Variants in GDF6 observed in about 807,000 individuals in gnomAD.
The protein encoded by GDF6 is growth differentiation factor 6.
Under a neutral mutation model 32.4 loss-of-function variants are expected in GDF6, and 3 were observed. The observed-to-expected ratio is 0.09, with a 90% CI of 0.04 to 0.24. GDF6 has a LOEUF of 0.24. GDF6 is among the 10% of genes least tolerant of loss of function. GDF6 has a pLI of 1.00. For missense variants in GDF6, 589 were observed against 637.9 expected, an observed-to-expected ratio of 0.92 and a Z score of 0.83; for synonymous variants, 296 against 295.3, an observed-to-expected ratio of 1.00 and a Z score of -0.03.
In GDF6 at chr8:96,145,573, A is replaced by G. The variant is rs1403888224; in HGVS notation, c.407-49T>C. 1 of 1,596,086 alleles carries G rather than the reference A, an allele frequency of 6.3e-7. No individual in the cohort carries two copies. Among genetic ancestry groups the G allele is most frequent in the Non-Finnish European group, 8.5e-7 (1 of 1,179,030 alleles). On this transcript the variant is annotated intron_variant, in intron 1 of 1. Transcript: ENST00000287020. The surrounding 1 kb of genome is among the most constrained non-coding windows in gnomAD (Gnocchi z 5.6). Reference sequence around the variant, plus strand: ...GTCAGTTTCACTTAAGGGGGAGATCAGCCCGGTGCTCTTCGGCCGCCCCGG... The same window carrying G: ...GTCAGTTTCACTTAAGGGGGAGATCGGCCCGGTGCTCTTCGGCCGCCCCGG...
intron 1 of GDF6, among the ~76,000 whole-genome samples, chr8:96,147,265 G>T (rs1812502610): frequency 6.6e-6 from 1 of 152,186 alleles, no homozygotes; most frequent in South Asian, 2.1e-4. Flanking sequence ...GGTTAGAGAG[G>T]TGAAAAGGGA....
chr8:96,155,131 C>A (rs2130227988), intron 1 of GDF6, among the ~76,000 whole-genome samples: 1 of 152,264 alleles, frequency 6.6e-6, no homozygotes, highest in East Asian at 1.9e-4. Context: ...GTTTTTAGAT[C>A]CCCTCCCCCA....
chr8:96,156,853 A>G (rs1812673778), intron 1 of GDF6, among the ~76,000 whole-genome samples: 2 of 152,248 alleles, frequency 1.3e-5, no homozygotes, highest in Middle Eastern at 3.4e-3. Flanking sequence ...AAATCTTTCC[A>G]TTTTTTGACT....
At position 96,145,329 on chromosome 8, in the gene GDF6, G is replaced by C. The variant is rs1030997543; in HGVS notation, c.602C>G (p.Thr201Ser). Residue 201 changes from threonine (T) to serine (S), a missense_variant, in exon 2 of 2, where the codon ACC becomes AGC. Thr to Ser is a moderately conservative substitution (Grantham distance 58, BLOSUM62 1). Coordinates refer to ENST00000287020, the MANE Select transcript of GDF6 (RefSeq NM_001001557.4). The surrounding 1 kb of genome is among the most constrained non-coding windows in gnomAD (Gnocchi z 5.6). ...CLSPLLLDAR[T>S]LDPQGAPPAG... The stretch of plus-strand genomic sequence containing the variant: ...CGGCGGCGCCCCCTGCGGGTCCAGG[G>C]TCCGCGCGTCCAGCAGTAGGGGCGA... 1 of 1,537,902 alleles carries C rather than the reference G, an allele frequency of 6.5e-7. No individual in the cohort carries two copies. Among genetic ancestry groups the C allele is most frequent in the Non-Finnish European group, 8.7e-7 (1 of 1,148,308 alleles).
chr8:96,144,244 T>TAGAGAC lies in GDF6; in HGVS notation c.*318_*319insGTCTCT. ...ATAAGGAAATCCAAAGCCACAGTAA[T>TAGAGAC]AGAGAGAGAGAGAGAGAGAGAGAGA... On this transcript the variant is annotated 3_prime_UTR_variant, in exon 2 of 2. Coordinates refer to ENST00000287020, the MANE Select transcript of GDF6 (RefSeq NM_001001557.4). This position sits in a 1 kb window ranked among gnomAD's most constrained non-coding sequence, Gnocchi z 5.1. The TAGAGAC allele has an allele frequency of 4.3e-6, 1 of 233,042 alleles. No individual in the cohort carries two copies. Among genetic ancestry groups the TAGAGAC allele is most frequent in the East Asian group, 1.2e-4 (1 of 8,120 alleles). 14.4% of individuals were successfully genotyped at this position (233,042 alleles called of 1,614,324 possible). A position where few individuals can be genotyped will look rare whatever the true frequency, so the allele number is the denominator to read the frequency against.
intron 1 of GDF6, among the ~76,000 whole-genome samples, chr8:96,155,680 T>C (rs1228642085): frequency 6.6e-6 from 1 of 152,236 alleles, no homozygotes; most frequent in African/African-American, 2.4e-5. Flanking sequence ...TGGAACCTTC[T>C]GCCCAGCTTC....
intron 1 of GDF6, among the ~76,000 whole-genome samples, chr8:96,150,674 C>G (rs1812553507): frequency 6.6e-6 from 1 of 152,212 alleles, no homozygotes; most frequent in Non-Finnish European, 1.5e-5. Flanking sequence ...GTGCCCTGAC[C>G]CCAGTCCTGC....
Position 96,144,358 on chromosome 8 carries a change from A to G in GDF6, c.*205T>C, listed in dbSNP as rs946850223. On this transcript the variant is annotated 3_prime_UTR_variant, in exon 2 of 2. Coordinates refer to ENST00000287020, the MANE Select transcript of GDF6 (RefSeq NM_001001557.4). This position sits in a 1 kb window ranked among gnomAD's most constrained non-coding sequence, Gnocchi z 5.1. ...GTGGCCAGGCAAGGTGTGAAAATCC[A>G]TATTTCCCTCTGGGCTGGCAGGTAG... 3.1e-5 allele frequency: 19 copies of G among 608,944 alleles called. No individual in the cohort carries two copies. The highest frequency in any genetic ancestry group is 9.3e-5 in the African/African-American group (5 of 53,754). The allele number at this position is 608,944 out of a possible 1,614,324, so 37.7% of individuals were successfully genotyped here.
Position 96,159,078 on chromosome 8 carries a change from C to G in GDF6, c.406+1209G>C, listed in dbSNP as rs990710014. On this transcript the variant is annotated intron_variant, in intron 1 of 1. Transcript: ENST00000287020. ...GCAGTGGCTGAAGCAGCTTCCGAAT[C>G]CCGAACCCCAGCGCTGCAAGGTTTC... 3.3e-5 allele frequency among the ~76,000 whole-genome samples: 5 copies of G among 152,300 alleles called. No individual in the cohort carries two copies. The East Asian group carries it at 9.7e-4, about 29-fold the overall frequency.
chr8:96,144,287 A>AGAGAGG lies in GDF6; in HGVS notation c.*275_*276insCCTCTC. The AGAGAGG allele has an allele frequency of 2.0e-6, 1 of 497,288 alleles. No homozygotes were observed. Among genetic ancestry groups the AGAGAGG allele is most frequent in the Non-Finnish European group, 3.6e-6 (1 of 275,758 alleles). 30.8% of individuals were successfully genotyped at this position (497,288 alleles called of 1,614,324 possible). On this transcript the variant is annotated 3_prime_UTR_variant, in exon 2 of 2. Transcript: ENST00000287020. This position sits in a 1 kb window ranked among gnomAD's most constrained non-coding sequence, Gnocchi z 5.1. ...GAGAGAGAGAGAGAGAGAGAGAGAG[A>AGAGAGG]GAGAAAACAGAACAAAAGAAATCCT... is the stretch of plus-strand genomic sequence containing the variant.
rs565004364 is a variant in GDF6 at position 96,145,046 on chromosome 8, C to T, written c.885G>A (p.Glu295=). 1.4e-5 allele frequency: 21 copies of T among 1,476,926 alleles called. No homozygotes were observed. The South Asian group carries it at 1.5e-4, about 10-fold the overall frequency. The allele number at this position is 1,476,926 out of a possible 1,614,324, so 91.5% of individuals were successfully genotyped here. The change falls in exon 2 of 2, where the codon GAG becomes GAA. Residue 295 remains glutamate (E), a synonymous_variant. Coordinates refer to ENST00000287020, the MANE Select transcript of GDF6 (RefSeq NM_001001557.4). The surrounding 1 kb of genome is among the most constrained non-coding windows in gnomAD (Gnocchi z 5.6). ...CCGCAGCCTCGGCCGAGCCCAGCTG[C>T]TCGCGCATCTCTGCGAACAGGTTCT... is the stretch of plus-strand genomic sequence containing the variant. ...QRKNLFAEMR[E]QLGSAEAAGP...
At chr8:96,146,169 T>C (rs1812482800) in intron 1 of GDF6, among the ~76,000 whole-genome samples, 1 of 152,186 alleles carries the variant, frequency 6.6e-6, no homozygotes, top group Non-Finnish European at 1.5e-5. Context: ...GTTCCTGACC[T>C]GGAGCACACG....
rs1349330180 is a variant in GDF6 at position 96,145,644 on chromosome 8, C to T, written c.407-120G>A. ...GGGGCAGGTCGGCCGGGCAGTCCAG[C>T]TTGCCCGGCCCAGGGCCTGACCACC... On this transcript the variant is annotated intron_variant, in intron 1 of 1. Transcript: ENST00000287020. This position sits in a 1 kb window ranked among gnomAD's most constrained non-coding sequence, Gnocchi z 5.6. 1.6e-6 allele frequency: 2 copies of T among 1,227,924 alleles called. No individual in the cohort carries two copies. Among genetic ancestry groups the T allele is most frequent in the Admixed American group, 3.8e-5 (2 of 51,974 alleles). The allele number at this position is 1,227,924 out of a possible 1,614,324, so 76.1% of individuals were successfully genotyped here. A position where few individuals can be genotyped will look rare whatever the true frequency, so the allele number is the denominator to read the frequency against.
At chr8:96,152,583 GC>G (rs1278239411) in intron 1 of GDF6, among the ~76,000 whole-genome samples, 1 of 152,164 alleles carries the variant, frequency 6.6e-6, no homozygotes, top group Non-Finnish European at 1.5e-5. Flanking sequence ...GCAATGGAGG[GC>G]CCCTTGGGCT....
intron 1 of GDF6, among the ~76,000 whole-genome samples, chr8:96,158,345 A>G (rs1162229707): frequency 6.6e-6 from 1 of 152,116 alleles, no homozygotes; most frequent in Non-Finnish European, 1.5e-5. Context: ...AGGGCAAACC[A>G]GGGTAAAGTG....
chr8:96,149,664 T>TA (rs1399562968), intron 1 of GDF6, among the ~76,000 whole-genome samples: 1 of 151,972 alleles, frequency 6.6e-6, no homozygotes, highest in African/African-American at 2.4e-5. Flanking sequence ...AAATTTTAAC[T>TA]AAAAAAAGAA....
rs151332138 is a variant in GDF6, at chr8:96,144,860, C to T, written c.1071G>A (p.Lys357=). 1.2e-5 allele frequency: 20 copies of T among 1,613,996 alleles called. No individual in the cohort carries two copies. In the African/African-American group the frequency reaches 2.7e-4, roughly 22 times the overall value. ...GCTCCTTGAAGTTCACGTGCAGGGG[C>T]TTCTTGCTGCAGCGTAGCCTGGACT... is the stretch of plus-strand genomic sequence containing the variant. ...GKKSRLRCSK[K]PLHVNFKELG... Residue 357 remains lysine (K), a synonymous_variant, in exon 2 of 2, where the codon AAG becomes AAA. Coordinates refer to ENST00000287020, the MANE Select transcript of GDF6 (RefSeq NM_001001557.4). This position sits in a 1 kb window ranked among gnomAD's most constrained non-coding sequence, Gnocchi z 5.1.
rs955786667 is a variant in GDF6, at chr8:96,143,203, A to G, written c.*1360T>C. 2 of 152,512 alleles carry G rather than the reference A, an allele frequency of 1.3e-5. No homozygotes were observed. The highest frequency in any genetic ancestry group is 4.8e-5 in the African/African-American group (2 of 41,450). The allele number at this position is 152,512 out of a possible 1,614,324, so 9.4% of individuals were successfully genotyped here. A position where few individuals can be genotyped will look rare whatever the true frequency, so the allele number is the denominator to read the frequency against. The stretch of plus-strand genomic sequence containing the variant: ...CAATGTAACACTTGGCTCTTTTCAC[A>G]GTTTCTCATTACTAAGTTTTAAAAA... On this transcript the variant is annotated 3_prime_UTR_variant, in exon 2 of 2. Coordinates refer to ENST00000287020, the MANE Select transcript of GDF6 (RefSeq NM_001001557.4).
rs756016892 is a variant in GDF6, at chr8:96,145,397, C to T, written c.534G>A (p.Gly178=). Residue 178 remains glycine (G), a synonymous_variant, in exon 2 of 2, where the codon GGG becomes GGA. Transcript: ENST00000287020. The surrounding 1 kb of genome is among the most constrained non-coding windows in gnomAD (Gnocchi z 5.6). The part of the protein sequence containing the change: ...LFRQAPSAPW[G]PPAGPLHVQL... ...GCACGTGGAGCGGCCCGGCTGGTGG[C>T]CCCCAGGGCGCTGAGGGCGCCTGGC... 1.1e-5 allele frequency: 17 copies of T among 1,579,090 alleles called. No individual in the cohort carries two copies. In the East Asian group the frequency reaches 1.8e-4, roughly 17 times the overall value.
Sources: allele counts gnomAD v4.1 joint callset (sites outside exome capture counted in the v4.1 genomes callset), GRCh38; gene constraint gnomAD v4.1.1; non-coding constraint Gnocchi (gnomAD v3.1); transcripts MANE v1.5; gene names NCBI Gene and HGNC (gene_info 2026-07-23, HGNC 2026-07-21).